Variants in KCNK13 observed in about 807,000 individuals in gnomAD.
KCNK13 encodes the protein potassium channel subfamily K member 13.
KCNK13 carries 12 observed loss-of-function variants against 23.4 expected under a neutral mutation model. That is an observed-to-expected ratio of 0.51 (90% confidence interval 0.33 to 0.83). The LOEUF (loss-of-function observed/expected upper bound fraction) is 0.83. KCNK13 is among the 40% of genes least tolerant of loss of function. The pLI is 0.02. For synonymous variants in KCNK13, 231 were observed against 229.5 expected (o/e 1.01, Z -0.06); for missense variants, 463 against 556.3 (o/e 0.83, Z 1.69).
At chr14:90,171,614 T>A (rs1228002267) in intron 1 of KCNK13, among the ~76,000 whole-genome samples, 2 of 152,166 alleles carry the variant, frequency 1.3e-5, no homozygotes, top group Non-Finnish European at 2.9e-5. Flanking sequence ...AGACGTCAAT[T>A]AATATATGTC....
chr14:90,090,581 T>C (rs894971941), intron 1 of KCNK13, among the ~76,000 whole-genome samples: 2 of 152,160 alleles, frequency 1.3e-5, no homozygotes, highest in Non-Finnish European at 2.9e-5. Flanking sequence ...CAAGGCATGA[T>C]TGGTTTTGAA....
chr14:90,139,650 G>C (rs1889980263), intron 1 of KCNK13, among the ~76,000 whole-genome samples: 1 of 152,158 alleles, frequency 6.6e-6, no homozygotes, highest in Non-Finnish European at 1.5e-5. Context: ...TTGTACGTGA[G>C]CAAGAAAAGA....
chr14:90,181,550 T>TG (rs1220138675), intron 1 of KCNK13, among the ~76,000 whole-genome samples: 2 of 152,104 alleles, frequency 1.3e-5, no homozygotes, highest in Non-Finnish European at 2.9e-5. Context: ...CATATGAATT[T>TG]GGGGGGCACA....
intron 1 of KCNK13, among the ~76,000 whole-genome samples, chr14:90,102,138 C>T (rs1360036891): frequency 6.6e-6 from 1 of 152,124 alleles, no homozygotes; most frequent in African/African-American, 2.4e-5. Flanking sequence ...CTACCTTGGC[C>T]TCCCAAAGTG....
chr14:90,184,265 G>A lies in KCNK13; in HGVS notation c.489G>A (p.Arg163=), dbSNP rs1566654558. The stretch of plus-strand genomic sequence containing the variant: ...ACATCATGAAGTCGTGCCACCAGCG[G>A]CAGCTCCGGAGACGAGGGGCCCTGC... ...IAYIMKSCHQ[R]QLRRRGALPQ... The change falls in exon 2 of 2, where the codon CGG becomes CGA. Residue 163 remains arginine, a synonymous_variant. Transcript: ENST00000282146. The surrounding 1 kb of genome is among the most constrained non-coding windows in gnomAD (Gnocchi z 5.6). The A allele has an allele frequency of 1.2e-6, 2 of 1,614,246 alleles. No homozygotes were observed. The highest frequency in any genetic ancestry group is 1.1e-5 in the South Asian group (1 of 91,080).
rs139551102 is a variant in KCNK13, at chr14:90,081,084, G to A, written c.334+18545G>A. On this transcript the variant is annotated intron_variant, in intron 1 of 1. Coordinates refer to ENST00000282146, the MANE Select transcript of KCNK13 (RefSeq NM_022054.4). ...TTTCCGCAAGCCTTTCAGGCACTGC[G>A]AAGGGCTCAGTGCTGAGCACTGGGA... 3.3e-3 allele frequency among the ~76,000 whole-genome samples: 504 copies of A among 152,350 alleles called. 3 individuals carry two copies. Among genetic ancestry groups the A allele is most frequent in the African/African-American group, 0.012 (484 of 41,586 alleles).
At chr14:90,161,416 C>T (rs540141124) in intron 1 of KCNK13, among the ~76,000 whole-genome samples, 4 of 152,282 alleles carry the variant, frequency 2.6e-5, no homozygotes, top group South Asian at 4.1e-4. Context: ...CTGAACTATA[C>T]ATTTTAAAAT....
In KCNK13 at chr14:90,185,261, A is replaced by C; in HGVS notation, c.*258A>C. 3 of 373,370 alleles carry C rather than the reference A, an allele frequency of 8.0e-6. No homozygotes were observed. The highest frequency in any genetic ancestry group is 2.0e-5 in the African/African-American group (1 of 48,816). The allele number at this position is 373,370 out of a possible 1,614,324, so 23.1% of individuals were successfully genotyped here. ...TCAGTCTTTTCAAAACAAATCACAA[A>C]AGCAGCATTAGACATTGCCTTGTTT... On this transcript the variant is annotated 3_prime_UTR_variant, in exon 2 of 2. Coordinates refer to ENST00000282146, the MANE Select transcript of KCNK13 (RefSeq NM_022054.4).
At chr14:90,063,186 GGAGA>G (rs1888966293) in intron 1 of KCNK13, among the ~76,000 whole-genome samples, 1 of 152,188 alleles carries the variant, frequency 6.6e-6, no homozygotes, top group Non-Finnish European at 1.5e-5. Context: ...CTCTAGAGTA[GGAGA>G]GAATCGCACT....
At chr14:90,138,312 C>A (rs1197787696) in intron 1 of KCNK13, among the ~76,000 whole-genome samples, 1 of 152,156 alleles carries the variant, frequency 6.6e-6, no homozygotes, top group East Asian at 1.9e-4. Flanking sequence ...TTATCTCTAT[C>A]CATACAGGTC....
chr14:90,070,911 C>G (rs1187363491), intron 1 of KCNK13, among the ~76,000 whole-genome samples: 1 of 152,104 alleles, frequency 6.6e-6, no homozygotes, highest in Non-Finnish European at 1.5e-5. Context: ...TCTAAAATTT[C>G]GTGGGGAAGC....
intron 1 of KCNK13, among the ~76,000 whole-genome samples, chr14:90,089,633 G>C (rs1889319627): frequency 6.6e-6 from 1 of 152,198 alleles, no homozygotes. Context: ...GAAGACAATG[G>C]GGAAAATATC....
chr14:90,116,990 C>T (rs970850255), intron 1 of KCNK13, among the ~76,000 whole-genome samples: 41 of 152,226 alleles, frequency 2.7e-4, no homozygotes, highest in African/African-American at 7.7e-4. Context: ...CCTGCACATA[C>T]GTATCTATAA....
intron 1 of KCNK13, among the ~76,000 whole-genome samples, chr14:90,092,668 G>T (rs1311193748): frequency 2.6e-5 from 4 of 152,094 alleles, no homozygotes; most frequent in Admixed American, 6.5e-5. Flanking sequence ...GGTGGCTCAT[G>T]CCTATAATCC....
At position 90,137,337 on chromosome 14, in the gene KCNK13, T is replaced by C. The variant is rs183666699; in HGVS notation, c.335-46774T>C. On this transcript the variant is annotated intron_variant, in intron 1 of 1. Coordinates refer to ENST00000282146, the MANE Select transcript of KCNK13 (RefSeq NM_022054.4). ...TATTTATTTATTTTTATTTATTTTT[T>C]TGAGATGGAATCTTGCTCTGTCGCC... 1.6e-3 allele frequency among the ~76,000 whole-genome samples: 240 copies of C among 152,126 alleles called. 1 individual carries two copies. The highest frequency in any genetic ancestry group is 5.4e-3 in the African/African-American group (226 of 41,550).
intron 1 of KCNK13, among the ~76,000 whole-genome samples, chr14:90,164,765 G>T (rs986421716): frequency 6.6e-6 from 1 of 152,110 alleles, no homozygotes; most frequent in Non-Finnish European, 1.5e-5. Flanking sequence ...CTTTATTCTT[G>T]ACACTTAAGT....
intron 1 of KCNK13, among the ~76,000 whole-genome samples, chr14:90,106,961 C>T (rs2140409828): frequency 6.6e-6 from 1 of 152,216 alleles, no homozygotes; most frequent in South Asian, 2.1e-4. Flanking sequence ...GCAGAGGTTG[C>T]AGTGAGCTGA....
At chr14:90,075,689 C>G (rs972362601) in intron 1 of KCNK13, among the ~76,000 whole-genome samples, 5 of 152,152 alleles carry the variant, frequency 3.3e-5, no homozygotes, top group African/African-American at 1.2e-4. Context: ...CCATGTTGCC[C>G]AGGCTGGTCT....
intron 1 of KCNK13, among the ~76,000 whole-genome samples, chr14:90,078,728 C>T (rs565662984): frequency 7.9e-5 from 12 of 151,946 alleles, no homozygotes; most frequent in Non-Finnish European, 1.2e-4. Context: ...ACCGAGCTCC[C>T]GGAGCTGATA....
Sources: gnomAD v4.1 joint callset for allele counts (sites outside exome capture counted in the v4.1 genomes callset) on GRCh38, gnomAD v4.1.1 for gene constraint, Gnocchi (gnomAD v3.1) non-coding constraint, MANE v1.5 for transcripts, NCBI Gene and HGNC (gene_info 2026-07-23, HGNC 2026-07-21) for gene names.